LMBR1: variants seen among roughly 807,000 people sequenced by gnomAD.
The protein encoded by LMBR1 is limb region 1 protein homolog.
Under a neutral mutation model 73.9 loss-of-function variants are expected in LMBR1, and 52 were observed. That is an observed-to-expected ratio of 0.70 (90% CI 0.56 to 0.89). The LOEUF is 0.89. Ranked by LOEUF, LMBR1 falls within the 40% of genes least tolerant of loss-of-function variation. The pLI is 0.00. For synonymous variants in LMBR1, 215 were observed against 209.4 expected (o/e 1.03, Z -0.23); for missense variants, 539 against 579.8 (o/e 0.93, Z 0.72).
chr7:156,684,679 G>C (rs1805637236), intron 16 of LMBR1, among the ~76,000 whole-genome samples: 1 of 152,216 alleles, frequency 6.6e-6, no homozygotes. Flanking sequence ...CACACAGGCT[G>C]GGCGTGGTGG....
chr7:156,780,640 G>T (rs955464052), intron 5 of LMBR1, among the ~76,000 whole-genome samples: 1 of 152,126 alleles, frequency 6.6e-6, no homozygotes, highest in African/African-American at 2.4e-5. Context: ...GAAGAAATGA[G>T]AACTAACACT....
At chr7:156,765,469 A>T (rs1307362038) in intron 5 of LMBR1, among the ~76,000 whole-genome samples, 1 of 152,186 alleles carries the variant, frequency 6.6e-6, no homozygotes, top group Non-Finnish European at 1.5e-5. Context: ...GAGTGAATTA[A>T]ACCTCTTTAC....
chr7:156,776,957 G>T (rs1486421544), intron 5 of LMBR1, among the ~76,000 whole-genome samples: 1 of 150,644 alleles, frequency 6.6e-6, no homozygotes. Context: ...TTTTGAGATG[G>T]AATCTCGCCT....
chr7:156,779,669 G>A, intron 5 of LMBR1: 1 of 1,283,022 alleles, frequency 7.8e-7, no homozygotes, highest in Non-Finnish European at 1.0e-6. Context: ...GCTCTATGGA[G>A]AAGCTGTCAT....
Position 156,763,729 on chromosome 7 carries a change from TC to T in LMBR1, c.489del (p.Ile164Ter). ...ATGAGTGCTGAAGCTACCCACACTATCCCAAGAATGAGTAACGCAAGAAGAA... is the reference window on the plus strand; with the variant it reads ...ATGAGTGCTGAAGCTACCCACACTATCCAAGAATGAGTAACGCAAGAAGAA... ...MLLLLALLIL[G>X]IVWVASALID... On this transcript the variant is annotated frameshift_variant, in exon 6 of 17. Coordinates refer to ENST00000353442, the MANE Select transcript of LMBR1 (RefSeq NM_022458.4). LOFTEE classifies it high-confidence loss of function. 1.2e-6 allele frequency: 2 copies of T among 1,606,050 alleles called. No homozygotes were observed. The highest frequency in any genetic ancestry group is 2.2e-5 in the South Asian group (2 of 89,432).
chr7:156,866,766 G>C (rs550189784), intron 1 of LMBR1, among the ~76,000 whole-genome samples: 2 of 152,066 alleles, frequency 1.3e-5, no homozygotes, highest in African/African-American at 4.8e-5. Flanking sequence ...ACTGCACCCA[G>C]CTAAATTTTG....
intron 1 of LMBR1, among the ~76,000 whole-genome samples, chr7:156,851,202 GAACT>G (rs1318800137): frequency 2.6e-5 from 4 of 152,086 alleles, no homozygotes; most frequent in African/African-American, 7.2e-5. Flanking sequence ...AACGCAAAAT[GAACT>G]AACACACCCT....
chr7:156,676,713 A>G, downstream of LMBR1: 6 of 1,249,570 alleles, frequency 4.8e-6, no homozygotes, highest in Non-Finnish European at 7.0e-6. Context: ...ATCATTTTGG[A>G]TGAACTGCAT....
chr7:156,713,565 C>G (rs1272086181), intron 15 of LMBR1, among the ~76,000 whole-genome samples: 1 of 151,266 alleles, frequency 6.6e-6, no homozygotes, highest in Non-Finnish European at 1.5e-5. Context: ...AAAAATCTGT[C>G]TGGAAAAAAA....
intron 15 of LMBR1, among the ~76,000 whole-genome samples, chr7:156,691,153 A>G (rs1807093957): frequency 6.6e-6 from 1 of 152,224 alleles, no homozygotes; most frequent in Non-Finnish European, 1.5e-5. Flanking sequence ...CTACTATTAG[A>G]AAGATCTAAT....
chr7:156,884,110 C>T (rs1801519021), intron 1 of LMBR1, among the ~76,000 whole-genome samples: 1 of 152,194 alleles, frequency 6.6e-6, no homozygotes, highest in African/African-American at 2.4e-5. Context: ...CTTATGTTGG[C>T]TATTGGATTT....
intron 5 of LMBR1, among the ~76,000 whole-genome samples, chr7:156,773,815 C>T (rs1825638738): frequency 1.3e-5 from 2 of 152,028 alleles, no homozygotes; most frequent in South Asian, 2.1e-4. Context: ...GATGAAGACA[C>T]CAAAAGTAAC....
chr7:156,790,229 T>C (rs1232368790), intron 5 of LMBR1, among the ~76,000 whole-genome samples: 1 of 152,142 alleles, frequency 6.6e-6, no homozygotes, highest in Non-Finnish European at 1.5e-5. Flanking sequence ...CAAGTTCTCC[T>C]GATGTTTCAT....
At position 156,692,058 on chromosome 7, in the gene LMBR1, A is replaced by G. The variant is rs537384040; in HGVS notation, c.1226-3867T>C. Among the ~76,000 whole-genome samples, 35 of 152,308 alleles carry G rather than the reference A, an allele frequency of 2.3e-4. No homozygotes were observed. The South Asian group carries it at 7.3e-3, about 32-fold the overall frequency. On this transcript the variant is annotated intron_variant, in intron 15 of 16. Transcript: ENST00000353442. ...CACTTCTGAGGTGGAATGAAAGATG[A>G]TGCTGTTGAAGCAAACGCTTTACCT... is the stretch of plus-strand genomic sequence containing the variant.
chr7:156,720,351 A>C (rs572317896), intron 15 of LMBR1, among the ~76,000 whole-genome samples: 1 of 152,356 alleles, frequency 6.6e-6, no homozygotes, highest in Middle Eastern at 3.4e-3. Flanking sequence ...AGTAAATTTA[A>C]AGTAGCTGAA....
intron 15 of LMBR1, among the ~76,000 whole-genome samples, chr7:156,688,762 C>G (rs1806510388): frequency 6.6e-6 from 1 of 152,154 alleles, no homozygotes; most frequent in Admixed American, 6.5e-5. Flanking sequence ...CGAGTCTTCA[C>G]AGCATACATA....
intron 15 of LMBR1, 30 bp from the exon 16 acceptor site, chr7:156,688,221 T>C: frequency 6.6e-7 from 1 of 1,509,536 alleles, no homozygotes; most frequent in South Asian, 1.2e-5. Context: ...TAGCCCTTAA[T>C]GAAATCAGGT....
chr7:156,864,361 T>C (rs1427569062), intron 1 of LMBR1, among the ~76,000 whole-genome samples: 3 of 152,162 alleles, frequency 2.0e-5, no homozygotes, highest in Admixed American at 6.5e-5. Flanking sequence ...ATATGATAAT[T>C]GTAAGTTAGT....
intron 5 of LMBR1, among the ~76,000 whole-genome samples, chr7:156,772,249 G>A (rs948620910): frequency 6.6e-6 from 1 of 152,170 alleles, no homozygotes; most frequent in Non-Finnish European, 1.5e-5. Flanking sequence ...ACTCCAGCCT[G>A]GGTGACAGAG....
Sources: allele counts gnomAD v4.1 joint callset (sites outside exome capture counted in the v4.1 genomes callset), GRCh38; gene constraint gnomAD v4.1.1; transcripts MANE v1.5; gene names NCBI Gene and HGNC (gene_info 2026-07-23, HGNC 2026-07-21).